Variants in SRGAP1 observed in about 807,000 individuals in gnomAD.
SRGAP1 encodes SLIT-ROBO Rho GTPase activating protein 1.
In SRGAP1, 43 loss-of-function variants were observed where a neutral mutation model predicts 121.9. That is an observed-to-expected ratio of 0.35 (90% CI 0.28 to 0.46). The LOEUF (loss-of-function observed/expected upper bound fraction) is 0.46, where lower values mean the gene tolerates loss of function less well. Ranked by LOEUF, SRGAP1 falls within the 20% of genes least tolerant of loss-of-function variation. SRGAP1 has a pLI of 1.00. For missense variants in SRGAP1, 1,102 were observed against 1,350.9 expected (o/e 0.82, Z 2.89); for synonymous variants, 447 against 485.4 (o/e 0.92, Z 1.04).
At chr12:63,848,133 G>A (rs975376000) in intron 1 of SRGAP1, among the ~76,000 whole-genome samples, 41 of 151,916 alleles carry the variant, frequency 2.7e-4, no homozygotes, top group African/African-American at 9.7e-4. Context: ...AGCCTCTGGA[G>A]TAGTTGGAAT....
rs914758420 is a variant in SRGAP1 at position 64,142,654 on chromosome 12, C to G, written c.3240C>G (p.Asp1080Glu). Residue 1080 changes from aspartate (D) to glutamate (E), a missense_variant, in exon 22 of 22, where the codon GAC becomes GAG. Around this residue, in one of 3 missense-constraint regions of SRGAP1, gnomAD observed 315 missense variants for 343.1 expected, o/e 0.92. Transcript: ENST00000355086. ...GPAPPPQGPT[D>E]KSCTM ...CCCCACCTCCCCAGGGTCCAACAGACAAGTCATGCACAATGTAAAAACCAG... is the reference window on the plus strand; with the variant it reads ...CCCCACCTCCCCAGGGTCCAACAGAGAAGTCATGCACAATGTAAAAACCAG... 6.2e-6 allele frequency: 10 copies of G among 1,613,806 alleles called. No homozygotes were observed. In the African/African-American group the frequency reaches 1.3e-4, roughly 22 times the overall value.
intron 3 of SRGAP1, among the ~76,000 whole-genome samples, chr12:64,003,477 A>AG (rs1491536023): frequency 3.6e-5 from 5 of 137,394 alleles, no homozygotes; most frequent in East Asian, 4.1e-4. Context: ...AGGAAGTTTC[A>AG]GAAAAAAAAA....
chr12:63,849,759 T>C (rs1423183274), intron 1 of SRGAP1, among the ~76,000 whole-genome samples: 1 of 152,310 alleles, frequency 6.6e-6, no homozygotes, highest in East Asian at 1.9e-4. Flanking sequence ...TAACATTTTT[T>C]CTCCAACCCA....
At chr12:63,939,434 A>T (rs1240511388) in intron 1 of SRGAP1, among the ~76,000 whole-genome samples, 1 of 152,160 alleles carries the variant, frequency 6.6e-6, no homozygotes, top group Non-Finnish European at 1.5e-5. Flanking sequence ...AGAAAGGCGT[A>T]AGGGAACTTG....
rs1395401551 is a variant in SRGAP1 at position 64,078,973 on chromosome 12, G to A, written c.1180G>A (p.Glu394Lys). The A allele has an allele frequency of 4.3e-6, 7 of 1,613,926 alleles. No individual in the cohort carries two copies. The highest frequency in any genetic ancestry group is 1.3e-5 in the African/African-American group (1 of 74,916). Residue 394 changes from glutamate to lysine, a missense_variant, in exon 9 of 22, where the codon GAG becomes AAG. Transcript: ENST00000355086. ...LQTIQDMVTIEDYDVSECFQH... is the reference protein window; with the variant it reads ...LQTIQDMVTIKDYDVSECFQH... ...GACGATACAAGATATGGTCACCATCGAGGACTATGATGTTTCTGAATGCTT... is the reference window on the plus strand; with the variant it reads ...GACGATACAAGATATGGTCACCATCAAGGACTATGATGTTTCTGAATGCTT...
intron 4 of SRGAP1, among the ~76,000 whole-genome samples, chr12:64,026,061 A>G (rs549796322): frequency 6.6e-6 from 1 of 152,018 alleles, no homozygotes; most frequent in South Asian, 2.1e-4. Flanking sequence ...TAATGTTTAT[A>G]TACCACAAGT....
In SRGAP1 at chr12:64,091,382, C is replaced by A; in HGVS notation, c.1539+4C>A. On this transcript the variant is annotated splice_donor_region_variant and intron_variant, in intron 12 of 21. Transcript: ENST00000355086. ...GGATTTGGAAACATTCGTCAAGGTA[C>A]TGGCACCAGCCATCTGGGTGGCTGA... 1 of 1,596,370 alleles carries A rather than the reference C, an allele frequency of 6.3e-7. No homozygotes were observed. Among genetic ancestry groups the A allele is most frequent in the Non-Finnish European group, 8.6e-7 (1 of 1,167,954 alleles).
At chr12:64,017,097 C>A in intron 4 of SRGAP1, 85 bp downstream of exon 4, 1 of 775,946 alleles carries the variant, frequency 1.3e-6, no homozygotes. Flanking sequence ...AGTATTCATT[C>A]CAAGCCAGAG....
At chr12:64,088,812 C>G (rs1358259471) in intron 11 of SRGAP1, among the ~76,000 whole-genome samples, 1 of 152,168 alleles carries the variant, frequency 6.6e-6, no homozygotes, top group Non-Finnish European at 1.5e-5. Context: ...GCCAGCATTA[C>G]CCTGCGTCTC....
chr12:64,029,857 G>A (rs1246647010), intron 4 of SRGAP1, among the ~76,000 whole-genome samples: 1 of 151,816 alleles, frequency 6.6e-6, no homozygotes, highest in Non-Finnish European at 1.5e-5. Flanking sequence ...ACAGTGAACC[G>A]AGATCTTGCC....
intron 18 of SRGAP1, among the ~76,000 whole-genome samples, chr12:64,119,449 T>C (rs966787668): frequency 2.6e-5 from 4 of 152,182 alleles, no homozygotes; most frequent in African/African-American, 9.7e-5. Context: ...GTATTAATTC[T>C]ACCTATATTA....
intron 1 of SRGAP1, among the ~76,000 whole-genome samples, chr12:63,937,232 C>T (rs1301478584): frequency 1.3e-5 from 2 of 152,100 alleles, no homozygotes; most frequent in African/African-American, 4.8e-5. Flanking sequence ...GAATTCCAGG[C>T]TAGAGTTAAT....
Position 63,870,685 on chromosome 12 carries a change from G to T in SRGAP1, c.67+25802G>T, listed in dbSNP as rs111765847. Among the ~76,000 whole-genome samples, 1,375 of 152,040 alleles carry T rather than the reference G, an allele frequency of 9.0e-3. 5 individuals carry two copies. Among genetic ancestry groups the T allele is most frequent in the Middle Eastern group, 0.054 (16 of 294 alleles). On this transcript the variant is annotated intron_variant, in intron 1 of 21. Transcript: ENST00000355086. ...CTCCTGAGTAGCTGGGACTGCAGGC[G>T]TGTGCCACCATGCCCAACTAATTTT...
chr12:64,098,770 C>T (rs1166440169), intron 15 of SRGAP1, among the ~76,000 whole-genome samples: 1 of 152,228 alleles, frequency 6.6e-6, no homozygotes, highest in East Asian at 1.9e-4. Context: ...GCACAGCCCT[C>T]TCCTGCTACC....
intron 6 of SRGAP1, among the ~76,000 whole-genome samples, chr12:64,048,593 G>A (rs1016704416): frequency 9.2e-5 from 14 of 152,052 alleles, no homozygotes; most frequent in African/African-American, 3.4e-4. Flanking sequence ...TCTCCATAGT[G>A]GCTGTACTAA....
chr12:64,069,928 A>AG (rs2035610260), intron 8 of SRGAP1, among the ~76,000 whole-genome samples: 1 of 151,496 alleles, frequency 6.6e-6, no homozygotes, highest in South Asian at 2.1e-4. Context: ...TTGTAGAGAC[A>AG]GGGTCTCCCT....
chr12:64,150,746 T>C lies in SRGAP1; in HGVS notation c.*8074T>C, dbSNP rs946580403. On this transcript the variant is annotated 3_prime_UTR_variant, in exon 22 of 22. Transcript: ENST00000355086. ...AAATGCGAATTTTTATATTTTTTTGTGAGATCCCATCTCTACCAAAAAAAA... is the reference window on the plus strand; with the variant it reads ...AAATGCGAATTTTTATATTTTTTTGCGAGATCCCATCTCTACCAAAAAAAA... 2.1e-5 allele frequency: 1 copy of C among 48,072 alleles called. No individual in the cohort carries two copies. The highest frequency in any genetic ancestry group is 4.8e-5 in the African/African-American group (1 of 20,964). 3.0% of individuals were successfully genotyped at this position (48,072 alleles called of 1,614,324 possible).
intron 1 of SRGAP1, chr12:63,888,215 T>G (rs986512902): frequency 6.6e-6 from 1 of 152,276 alleles, no homozygotes; most frequent in Non-Finnish European, 1.5e-5. Context: ...CAAGGGGAGC[T>G]GCTAGGTCTT....
intron 2 of SRGAP1, 27 bp from the exon 3 acceptor site, chr12:63,989,883 G>C: frequency 6.4e-7 from 1 of 1,573,998 alleles, no homozygotes; most frequent in Non-Finnish European, 8.6e-7. Flanking sequence ...GAAATGGGTG[G>C]TAATTCTGTG....
Sources: allele counts gnomAD v4.1 joint callset (sites outside exome capture counted in the v4.1 genomes callset), GRCh38; gene constraint gnomAD v4.1.1; regional missense constraint gnomAD v4.1.1; transcripts MANE v1.5; gene names NCBI Gene and HGNC (gene_info 2026-07-23, HGNC 2026-07-21).